Variants in OXR1 observed in about 807,000 individuals in gnomAD.
OXR1 encodes the protein oxidation resistance protein 1.
OXR1 carries 41 observed loss-of-function variants against 104.6 expected under a neutral mutation model. The observed-to-expected ratio is 0.39, with a 90% confidence interval of 0.31 to 0.51. The LOEUF (loss-of-function observed/expected upper bound fraction) is 0.51. Among genes scored for constraint, OXR1 ranks in the 20% least tolerant of loss-of-function variants. The pLI is 0.77. For synonymous variants in OXR1, 348 were observed against 348.4 expected, an observed-to-expected ratio of 1.00 and a Z score of 0.01; for missense variants, 955 against 1,031.9, an observed-to-expected ratio of 0.93 and a Z score of 1.02.
intron 3 of OXR1, among the ~76,000 whole-genome samples, chr8:106,619,842 A>G (rs529763146): frequency 3.4e-4 from 52 of 152,238 alleles, no homozygotes; most frequent in Non-Finnish European, 5.0e-4. Context: ...TTGAATTTCA[A>G]TGAAACTCCT....
intron 1 of OXR1, among the ~76,000 whole-genome samples, chr8:106,338,933 T>A (rs969599667): frequency 6.6e-6 from 1 of 152,112 alleles, no homozygotes; most frequent in African/African-American, 2.4e-5. Context: ...CAAATAGGAC[T>A]GCGAATACTC....
At chr8:106,318,606 C>A (rs1814079376) in intron 1 of OXR1, among the ~76,000 whole-genome samples, 1 of 152,212 alleles carries the variant, frequency 6.6e-6, no homozygotes, top group South Asian at 2.1e-4. Context: ...CTATTATTCT[C>A]AAGGGTCAGC....
chr8:106,577,278 T>G (rs1817909309), intron 3 of OXR1, among the ~76,000 whole-genome samples: 1 of 151,456 alleles, frequency 6.6e-6, no homozygotes. Flanking sequence ...TGGTGCAATC[T>G]TGGTTCACTG....
At chr8:106,610,490 G>A (rs1473561270) in intron 3 of OXR1, among the ~76,000 whole-genome samples, 1 of 152,120 alleles carries the variant, frequency 6.6e-6, no homozygotes, top group Non-Finnish European at 1.5e-5. Context: ...CAATTACAAT[G>A]CATGTGAAGA....
chr8:106,673,054 A>G (rs1204064855), intron 3 of OXR1, among the ~76,000 whole-genome samples: 1 of 152,110 alleles, frequency 6.6e-6, no homozygotes, highest in East Asian at 1.9e-4. Context: ...ATACCCAAAA[A>G]TGTGGAAGCG....
chr8:106,659,727 T>A (rs1055642080), intron 3 of OXR1, among the ~76,000 whole-genome samples: 1 of 152,204 alleles, frequency 6.6e-6, no homozygotes, highest in African/African-American at 2.4e-5. Flanking sequence ...CGGTGGCCCG[T>A]GTCTGTAGTT....
intron 2 of OXR1, among the ~76,000 whole-genome samples, chr8:106,381,869 T>A (rs976350620): frequency 3.9e-5 from 6 of 152,212 alleles, no homozygotes; most frequent in African/African-American, 1.4e-4. Flanking sequence ...GGCTTAAATA[T>A]ACCTCCAGTC....
intron 3 of OXR1, among the ~76,000 whole-genome samples, chr8:106,664,857 A>G (rs1450966072): frequency 1.3e-5 from 2 of 152,238 alleles, no homozygotes; most frequent in Non-Finnish European, 2.9e-5. Context: ...CTCCTTTGAC[A>G]TCATCAATAG....
At chr8:106,435,653 A>G (rs1159650420) in intron 2 of OXR1, among the ~76,000 whole-genome samples, 1 of 152,182 alleles carries the variant, frequency 6.6e-6, no homozygotes, top group Admixed American at 6.5e-5. Context: ...CAAACTGTGG[A>G]AAGTGGGTAC....
chr8:106,334,772 T>C (rs889950818), intron 1 of OXR1, among the ~76,000 whole-genome samples: 6 of 152,252 alleles, frequency 3.9e-5, no homozygotes, highest in African/African-American at 1.4e-4. Flanking sequence ...TTGCAGAAAC[T>C]TTAAAACTAT....
intron 8 of OXR1, 46 bp from the exon 9 acceptor site, chr8:106,706,336 C>T (rs751515026): frequency 4.3e-6 from 6 of 1,395,218 alleles, no homozygotes; most frequent in South Asian, 4.1e-5. Flanking sequence ...AAGTAAAATA[C>T]CACAATTTTA....
At chr8:106,287,443 A>G (rs933654023) in intron 1 of OXR1, among the ~76,000 whole-genome samples, 1 of 152,168 alleles carries the variant, frequency 6.6e-6, no homozygotes, top group Admixed American at 6.5e-5. Flanking sequence ...ACCAGAAAAC[A>G]GTGTCATCCA....
intron 3 of OXR1, among the ~76,000 whole-genome samples, chr8:106,662,073 T>G (rs1825818873): frequency 6.6e-6 from 1 of 152,218 alleles, no homozygotes; most frequent in Non-Finnish European, 1.5e-5. Context: ...GATGGAACAG[T>G]TCTGCTAAAA....
At chr8:106,727,197 G>GC (rs988164467) in intron 11 of OXR1, among the ~76,000 whole-genome samples, 1 of 147,586 alleles carries the variant, frequency 6.8e-6, no homozygotes, top group East Asian at 2.0e-4. Flanking sequence ...TAACACCGTT[G>GC]TTTTTTTTTT....
intron 3 of OXR1, among the ~76,000 whole-genome samples, chr8:106,564,572 C>A (rs1451701475): frequency 6.6e-6 from 1 of 152,138 alleles, no homozygotes; most frequent in Non-Finnish European, 1.5e-5. Flanking sequence ...GAGCTGGTAC[C>A]ATTCCTTCTG....
At position 106,679,281 on chromosome 8, in the gene OXR1, A is replaced by G. The variant is rs143264328; in HGVS notation, c.292A>G (p.Ile98Val). ...RMSFQKPKGT[I>V]EYTVESRDSL... ...GTCTTTTCAGAAACCTAAAGGGACT[A>G]TTGAGTATACTGTAAGTTATTTGCT... Residue 98 changes from isoleucine to valine, a missense_variant, in exon 4 of 17, where the codon ATT becomes GTT. Coordinates refer to ENST00000517566, the MANE Select transcript of OXR1 (RefSeq NM_001198533.2). The G allele has an allele frequency of 1.2e-5, 19 of 1,575,508 alleles. No individual in the cohort carries two copies. The Admixed American group carries it at 1.7e-4, about 14-fold the overall frequency.
intron 11 of OXR1, among the ~76,000 whole-genome samples, chr8:106,727,244 T>A (rs1180450564): frequency 1.3e-5 from 2 of 150,560 alleles, no homozygotes; most frequent in African/African-American, 2.5e-5. Context: ...ACATTTTTTT[T>A]ATTTGAAGTT....
At chr8:106,321,172 G>T (rs1814198798) in intron 1 of OXR1, among the ~76,000 whole-genome samples, 1 of 152,184 alleles carries the variant, frequency 6.6e-6, no homozygotes, top group Non-Finnish European at 1.5e-5. Flanking sequence ...AATATGAAAA[G>T]TAATTTGAAA....
At chr8:106,346,846 T>G (rs1185841027) in intron 1 of OXR1, among the ~76,000 whole-genome samples, 1 of 152,268 alleles carries the variant, frequency 6.6e-6, no homozygotes, top group East Asian at 1.9e-4. Context: ...GAGACCATCT[T>G]GGCTAACACG....
Sources: gnomAD v4.1 joint callset for allele counts (sites outside exome capture counted in the v4.1 genomes callset) on GRCh38, gnomAD v4.1.1 for gene constraint, MANE v1.5 for transcripts, NCBI Gene and HGNC (gene_info 2026-07-23, HGNC 2026-07-21) for gene names.